Variants in MYO9A observed in about 807,000 individuals in gnomAD.
MYO9A encodes the protein unconventional myosin-IXa.
MYO9A carries 103 observed loss-of-function variants against 293.3 expected under a neutral mutation model. The observed-to-expected ratio is 0.35, with a 90% CI of 0.30 to 0.41. The LOEUF is 0.41. Among genes scored for constraint, MYO9A ranks in the 10% least tolerant of loss-of-function variants. The probability of loss-of-function intolerance (pLI) is 1.00; values close to 1 mark genes in which losing one functional copy is unlikely to be tolerated. For synonymous variants in MYO9A, 1,001 were observed against 1,035.7 expected, an observed-to-expected ratio of 0.97 and a Z score of 0.64; for missense variants, 2,685 against 3,033.0, an observed-to-expected ratio of 0.89 and a Z score of 2.69.
At chr15:71,973,351 T>C (rs544254203) in intron 12 of MYO9A, among the ~76,000 whole-genome samples, 4 of 152,324 alleles carry the variant, frequency 2.6e-5, no homozygotes, top group East Asian at 3.9e-4. Context: ...ATTTTGTAGA[T>C]TGGTATCATT....
At chr15:72,099,491 A>G (rs1421241642) in intron 1 of MYO9A, among the ~76,000 whole-genome samples, 1 of 151,082 alleles carries the variant, frequency 6.6e-6, no homozygotes, top group Non-Finnish European at 1.5e-5. Flanking sequence ...AGTCCCAGCT[A>G]CTCAGGATCC....
chr15:71,973,954 G>A (rs920300520), intron 12 of MYO9A, among the ~76,000 whole-genome samples: 3 of 152,158 alleles, frequency 2.0e-5, no homozygotes, highest in African/African-American at 7.2e-5. Context: ...TTCCTTAGTG[G>A]GAAGACCCTG....
Position 72,027,736 on chromosome 15 carries a change from A to G in MYO9A, c.993T>C (p.Asn331=). ...EKSRLVYQEH[N]ERNYHVFYYL... is the part of the protein sequence containing the mutation. ...ACACAAATAAAAATACGTACCGTTC[A>G]TTATGCTCCTGATAAACGAGTCTGG... is the stretch of plus-strand genomic sequence containing the variant. Residue 331 remains asparagine, a synonymous_variant, in exon 4 of 42, where the codon AAT becomes AAC. Transcript: ENST00000356056. 6.2e-7 allele frequency: 1 copy of G among 1,605,892 alleles called. No individual in the cohort carries two copies.
intron 1 of MYO9A, among the ~76,000 whole-genome samples, chr15:72,107,297 C>T (rs1484604598): frequency 6.6e-6 from 1 of 152,154 alleles, no homozygotes; most frequent in Non-Finnish European, 1.5e-5. Context: ...GCCTGTAATC[C>T]TAGCACTTTG....
At chr15:71,941,392 G>A (rs145885412) in intron 15 of MYO9A, among the ~76,000 whole-genome samples, 4 of 152,220 alleles carry the variant, frequency 2.6e-5, no homozygotes, top group South Asian at 4.2e-4. Context: ...CCAAGATCGC[G>A]CCATTGCACT....
At chr15:71,911,690 C>T (rs1039832931) in intron 19 of MYO9A, among the ~76,000 whole-genome samples, 13 of 152,218 alleles carry the variant, frequency 8.5e-5, no homozygotes, top group Non-Finnish European at 1.9e-4. Flanking sequence ...CAGACTTTGA[C>T]ATACAGGTCC....
chr15:71,959,758 A>T, intron 14 of MYO9A, 143 bp downstream of exon 14: 2 of 679,416 alleles, frequency 2.9e-6, no homozygotes, highest in Non-Finnish European at 4.9e-6. Flanking sequence ...CAGTTAAGAG[A>T]TGACACTAGA....
intron 9 of MYO9A, among the ~76,000 whole-genome samples, chr15:71,995,000 G>A (rs2076657625): frequency 6.6e-6 from 1 of 152,168 alleles, no homozygotes; most frequent in African/African-American, 2.4e-5. Flanking sequence ...CCAAAGTGCT[G>A]GGATTACAGG....
At chr15:71,956,745 G>C (rs1041738612) in intron 14 of MYO9A, among the ~76,000 whole-genome samples, 3 of 93,658 alleles carry the variant, frequency 3.2e-5, no homozygotes, top group Non-Finnish European at 7.1e-5. Flanking sequence ...CACATATGTA[G>C]CATATATAGC....
At chr15:72,057,781 G>A (rs570986609) in intron 1 of MYO9A, among the ~76,000 whole-genome samples, 2 of 152,280 alleles carry the variant, frequency 1.3e-5, no homozygotes, top group African/African-American at 4.8e-5. Flanking sequence ...AACACACACA[G>A]CAAAATCTTA....
At chr15:72,115,975 ATTGTT>A (rs2080957516) in intron 1 of MYO9A, among the ~76,000 whole-genome samples, 1 of 152,246 alleles carries the variant, frequency 6.6e-6, no homozygotes, top group Admixed American at 6.5e-5. Context: ...TTCCATATGT[ATTGTT>A]AAGAAATGAC....
At chr15:71,903,465 T>C (rs549886079) in intron 21 of MYO9A, among the ~76,000 whole-genome samples, 3 of 152,328 alleles carry the variant, frequency 2.0e-5, no homozygotes, top group South Asian at 2.1e-4. Context: ...ACTTGCTCAG[T>C]TGCTGAACAG....
intron 1 of MYO9A, among the ~76,000 whole-genome samples, chr15:72,049,522 C>T (rs1596468925): frequency 6.6e-6 from 1 of 152,282 alleles, no homozygotes; most frequent in South Asian, 2.1e-4. Flanking sequence ...TTAAGGGGTC[C>T]CCAACCTCTG....
chr15:72,082,662 T>A (rs769236322), intron 1 of MYO9A, among the ~76,000 whole-genome samples: 1 of 152,018 alleles, frequency 6.6e-6, no homozygotes, highest in Non-Finnish European at 1.5e-5. Context: ...TGCAGTATGA[T>A]GTTGGCTGTG....
intron 1 of MYO9A, among the ~76,000 whole-genome samples, chr15:72,049,886 CTAAG>C (rs2078502388): frequency 1.3e-5 from 2 of 152,182 alleles, no homozygotes; most frequent in African/African-American, 4.8e-5. Flanking sequence ...GACCACTGTA[CTAAG>C]TAACTACAAT....
intron 12 of MYO9A, among the ~76,000 whole-genome samples, chr15:71,973,598 A>G (rs2076066949): frequency 6.6e-6 from 1 of 152,122 alleles, no homozygotes; most frequent in Non-Finnish European, 1.5e-5. Context: ...TACTCTGGAA[A>G]GGGGGATTGC....
At chr15:71,874,321 T>A (rs1344607217) in intron 32 of MYO9A, among the ~76,000 whole-genome samples, 1 of 152,080 alleles carries the variant, frequency 6.6e-6, no homozygotes, top group East Asian at 1.9e-4. Context: ...TGAATCCAGG[T>A]TTTGTAGGCC....
chr15:71,969,080 T>C (rs576979867), intron 12 of MYO9A, among the ~76,000 whole-genome samples: 37 of 152,310 alleles, frequency 2.4e-4, no homozygotes, highest in African/African-American at 8.9e-4. Context: ...GCAAACTAGG[T>C]AACCTTCTTT....
intron 4 of MYO9A, among the ~76,000 whole-genome samples, chr15:72,027,441 A>C (rs2077707311): frequency 6.6e-6 from 1 of 152,220 alleles, no homozygotes; most frequent in Non-Finnish European, 1.5e-5. Flanking sequence ...AAGAACACTA[A>C]GGAAATGGGA....
Sources: allele counts gnomAD v4.1 joint callset (sites outside exome capture counted in the v4.1 genomes callset), GRCh38; gene constraint gnomAD v4.1.1; transcripts MANE v1.5; gene names NCBI Gene and HGNC (gene_info 2026-07-23, HGNC 2026-07-21).